LAPTM5: variants seen among roughly 807,000 people sequenced by gnomAD.
LAPTM5 encodes lysosomal protein transmembrane 5.
Under a neutral mutation model 30.1 loss-of-function variants are expected in LAPTM5, and 11 were observed. That is an observed-to-expected ratio of 0.37 (90% confidence interval 0.23 to 0.60). The LOEUF (loss-of-function observed/expected upper bound fraction) is 0.60, where lower values mean the gene tolerates loss of function less well. LAPTM5 is among the 20% of genes least tolerant of loss of function. The pLI, the probability that LAPTM5 is intolerant of heterozygous loss-of-function variation, is 0.71. For synonymous variants in LAPTM5, 151 were observed against 137.9 expected (o/e 1.10, Z -0.67); for missense variants, 324 against 332.5 (o/e 0.97, Z 0.20).
intron 1 of LAPTM5, among the ~76,000 whole-genome samples, chr1:30,757,163 C>T (rs12744988): frequency 0.23 from 35,096 of 152,162 alleles, 4,578 homozygotes; most frequent in South Asian, 0.36. Flanking sequence ...AAGGGGAGAT[C>T]CCCACTTCTC....
intron 7 of LAPTM5, among the ~76,000 whole-genome samples, chr1:30,734,831 C>T (rs1639862970): frequency 6.6e-6 from 1 of 152,230 alleles, no homozygotes; most frequent in Non-Finnish European, 1.5e-5. Flanking sequence ...GAGGCCAGGT[C>T]CTTCCTCTGT....
intron 5 of LAPTM5, 39 bp from the exon 6 acceptor site, chr1:30,737,738 A>T: frequency 1.5e-6 from 2 of 1,375,348 alleles, no homozygotes; most frequent in Non-Finnish European, 2.1e-6. Context: ...GTCTCTGGAC[A>T]TAAGGAATTC....
intron 1 of LAPTM5, 95 bp from the exon 2 acceptor site, chr1:30,742,644 A>T (rs1639988217): frequency 1.0e-6 from 1 of 967,812 alleles, no homozygotes; most frequent in Non-Finnish European, 1.6e-6. Flanking sequence ...GGAAGCCAGT[A>T]GTGGGGATCC....
intron 2 of LAPTM5, 84 bp downstream of exon 2, chr1:30,742,372 C>T: frequency 1.1e-6 from 1 of 947,364 alleles, no homozygotes; most frequent in South Asian, 1.4e-5. Flanking sequence ...GTGGCAGTGC[C>T]TCCAACACTA....
At chr1:30,738,409 C>T (rs76524516) in intron 5 of LAPTM5, among the ~76,000 whole-genome samples, 3,039 of 152,246 alleles carry the variant, frequency 0.02, 101 homozygotes, top group African/African-American at 0.07. Context: ...AAAGAGCCCA[C>T]GCCCTGTGAG....
At chr1:30,742,246 C>G (rs1001771819) in intron 2 of LAPTM5, 6 of 589,086 alleles carry the variant, frequency 1.0e-5, no homozygotes, top group Non-Finnish European at 1.5e-5. Context: ...TCCATCTGCT[C>G]TCACCACCTG....
At chr1:30,743,673 A>G (rs908978383) in intron 1 of LAPTM5, among the ~76,000 whole-genome samples, 61 of 148,580 alleles carry the variant, frequency 4.1e-4, no homozygotes, top group Admixed American at 3.8e-3. Context: ...TCGGTGCCCT[A>G]TCTCTATTAA....
At chr1:30,736,480 C>G (rs1639886541) in intron 6 of LAPTM5, among the ~76,000 whole-genome samples, 1 of 152,140 alleles carries the variant, frequency 6.6e-6, no homozygotes. Flanking sequence ...GTCGCCTAGG[C>G]TGGAGTGCAG....
At position 30,739,901 on chromosome 1, in the gene LAPTM5, G is replaced by C; in HGVS notation, c.295C>G (p.Gln99Glu). ...AGGCACAGGAGATAGTCCATGATTT[G>C]CAGGGACAGGAAGGGCAGCAGGTAC... is the stretch of plus-strand genomic sequence containing the variant. The part of the protein sequence containing the change: ...EKYLLPFLSL[Q>E]IMDYLLCLLT... Residue 99 changes from glutamine to glutamate, a missense_variant, in exon 4 of 8, where the codon CAA becomes GAA. Coordinates refer to ENST00000294507, the MANE Select transcript of LAPTM5 (RefSeq NM_006762.3). This position sits in a 1 kb window ranked among gnomAD's most constrained non-coding sequence, Gnocchi z 4.2. The C allele has an allele frequency of 6.2e-7, 1 of 1,606,086 alleles. No homozygotes were observed. Among genetic ancestry groups the C allele is most frequent in the Non-Finnish European group, 8.5e-7 (1 of 1,175,386 alleles).
At chr1:30,742,692 G>A (rs1053235225) in intron 1 of LAPTM5, 143 bp from the exon 2 acceptor site, 51 of 660,378 alleles carry the variant, frequency 7.7e-5, no homozygotes, top group Non-Finnish European at 1.1e-4. Flanking sequence ...GGGCATCTCA[G>A]ACAAAAGAGT....
Position 30,741,733 on chromosome 1 carries a change from G to A in LAPTM5, c.182-17C>T. The A allele has an allele frequency of 6.3e-7, 1 of 1,589,558 alleles. No homozygotes were observed. The highest frequency in any genetic ancestry group is 8.6e-7 in the Non-Finnish European group (1 of 1,167,050). On this transcript the variant is annotated splice_polypyrimidine_tract_variant and intron_variant, in intron 2 of 7. Transcript: ENST00000294507. ...TCAGGTCAGCTGAAAGGCAAGGAGAGCAGGGAGGTGCTCAGGGGTGCCCCT... is the reference window on the plus strand; with the variant it reads ...TCAGGTCAGCTGAAAGGCAAGGAGAACAGGGAGGTGCTCAGGGGTGCCCCT...
At chr1:30,757,216 G>C (rs1293951290) in intron 1 of LAPTM5, among the ~76,000 whole-genome samples, 1 of 152,200 alleles carries the variant, frequency 6.6e-6, no homozygotes, top group Non-Finnish European at 1.5e-5. Flanking sequence ...CCCAGGGGAA[G>C]AATCGGGGCT....
chr1:30,747,464 A>G (rs944538373), intron 1 of LAPTM5, among the ~76,000 whole-genome samples: 10 of 152,088 alleles, frequency 6.6e-5, no homozygotes, highest in Non-Finnish European at 1.5e-4. Context: ...AGCCATGCTC[A>G]GCCACCCTTC....
intron 7 of LAPTM5, among the ~76,000 whole-genome samples, chr1:30,734,231 C>T (rs973406051): frequency 2.6e-5 from 4 of 152,170 alleles, no homozygotes; most frequent in South Asian, 4.1e-4. Flanking sequence ...TCAGATCCAG[C>T]GAGGTGGCTG....
chr1:30,735,833 C>G (rs1639876848), intron 6 of LAPTM5, among the ~76,000 whole-genome samples: 1 of 152,144 alleles, frequency 6.6e-6, no homozygotes, highest in Admixed American at 6.5e-5. Context: ...AGAAAACCCC[C>G]AGGATGCCCC....
chr1:30,755,093 C>A (rs1640191925), intron 1 of LAPTM5, among the ~76,000 whole-genome samples: 1 of 152,202 alleles, frequency 6.6e-6, no homozygotes, highest in South Asian at 2.1e-4. Flanking sequence ...AGCCTGGAGA[C>A]AACCTGGGCC....
intron 1 of LAPTM5, among the ~76,000 whole-genome samples, chr1:30,755,099 G>A (rs1229942546): frequency 2.0e-5 from 3 of 152,154 alleles, no homozygotes; most frequent in African/African-American, 7.2e-5. Context: ...GAGACAACCT[G>A]GGCCGAGCGC....
chr1:30,736,505 C>G (rs1639886833), intron 6 of LAPTM5, among the ~76,000 whole-genome samples: 1 of 152,126 alleles, frequency 6.6e-6, no homozygotes, highest in Non-Finnish European at 1.5e-5. Context: ...ATGATTATGG[C>G]CCACTGCAGC....
rs759546359 is a variant in LAPTM5 at position 30,737,593 on chromosome 1, G to A, written c.606+11C>T. 6.3e-7 allele frequency: 1 copy of A among 1,599,604 alleles called. No homozygotes were observed. The highest frequency in any genetic ancestry group is 1.1e-5 in the South Asian group (1 of 90,392). Reference sequence around the variant, plus strand: ...ACCCCTCCCAGAGCCGCAGGGCAGGGATCCACTCACCTTGAAGATAAGGAC... The same window carrying A: ...ACCCCTCCCAGAGCCGCAGGGCAGGAATCCACTCACCTTGAAGATAAGGAC... On this transcript the variant is annotated intron_variant, in intron 6 of 7. Coordinates refer to ENST00000294507, the MANE Select transcript of LAPTM5 (RefSeq NM_006762.3).
Sources: allele counts gnomAD v4.1 joint callset (sites outside exome capture counted in the v4.1 genomes callset), GRCh38; gene constraint gnomAD v4.1.1; non-coding constraint Gnocchi (gnomAD v3.1); transcripts MANE v1.5; gene names NCBI Gene and HGNC (gene_info 2026-07-23, HGNC 2026-07-21).